The following SRPRB variants were observed in gnomAD, a reference collection of about 807,000 sequenced individuals.
SRPRB encodes signal recognition particle receptor subunit beta.
A neutral mutation model predicts 31.9 loss-of-function variants in SRPRB; 20 were observed. The ratio of observed to expected loss-of-function variants is 0.63; its 90% CI spans 0.44 to 0.91. The LOEUF (loss-of-function observed/expected upper bound fraction) is 0.91, where lower values mean the gene tolerates loss of function less well. Ranked by LOEUF, SRPRB falls within the 40% of genes least tolerant of loss-of-function variation. The pLI is 0.00. For synonymous variants in SRPRB, 146 were observed against 132.8 expected (o/e 1.10, Z -0.68); for missense variants, 321 against 324.9 (o/e 0.99, Z 0.09).
intron 1 of SRPRB, 80 bp downstream of exon 1, chr3:133,806,082 C>T: frequency 6.5e-7 from 1 of 1,538,710 alleles, no homozygotes; most frequent in South Asian, 1.3e-5. Flanking sequence ...AGGCCGGGGA[C>T]GCGGGGCTGA....
Position 133,806,603 on chromosome 3 carries a change from C to T in SRPRB, c.155-6C>T, listed in dbSNP as rs748683873. The T allele has an allele frequency of 3.1e-6, 5 of 1,613,280 alleles. No individual in the cohort carries two copies. The East Asian group carries it at 6.7e-5, about 22-fold the overall frequency. On this transcript the variant is annotated splice_polypyrimidine_tract_variant and splice_region_variant and intron_variant, in intron 1 of 6. Transcript: ENST00000678299. ...TTTTTGTTGTTTTTCTCTGTCTATT[C>T]CACAGTCTTCTGGAAGTTAATCCGG...
chr3:133,786,418 C>G (rs559884418), intron 1 of SRPRB: 1 of 152,048 alleles, frequency 6.6e-6, no homozygotes, highest in East Asian at 1.9e-4. Flanking sequence ...TGTTTGTGCA[C>G]TGGTTCAGGG....
At chr3:133,789,699 C>T (rs1484708303) in intron 1 of SRPRB, 1 of 152,116 alleles carries the variant, frequency 6.6e-6, no homozygotes, top group African/African-American at 2.4e-5. Context: ...GTATAACTTT[C>T]CTAAACAGGC....
At chr3:133,812,832 T>C (rs919078294) in intron 4 of SRPRB, among the ~76,000 whole-genome samples, 3 of 152,244 alleles carry the variant, frequency 2.0e-5, no homozygotes, top group Non-Finnish European at 4.4e-5. Flanking sequence ...CATACTTTTT[T>C]TTCCTCTTAC....
chr3:133,815,919 C>T (rs1935357572), intron 5 of SRPRB, among the ~76,000 whole-genome samples, 193 bp downstream of exon 5: 1 of 152,082 alleles, frequency 6.6e-6, no homozygotes, highest in African/African-American at 2.4e-5. Flanking sequence ...AACCAGAAGA[C>T]CAAGGAATGA....
At chr3:133,828,413 T>G, downstream of SRPRB, 1 of 359,290 alleles carries the variant, frequency 2.8e-6, no homozygotes, top group South Asian at 3.2e-5. Context: ...GTGGAAAAGG[T>G]TCTCTATAAG....
chr3:133,818,072 C>G (rs1378395491), intron 6 of SRPRB, among the ~76,000 whole-genome samples: 1 of 152,238 alleles, frequency 6.6e-6, no homozygotes, highest in Non-Finnish European at 1.5e-5. Context: ...GTTTATCACC[C>G]TGTCCTCCTG....
At chr3:133,802,555 A>G (rs1339287948), upstream of SRPRB, among the ~76,000 whole-genome samples, 1 of 152,056 alleles carries the variant, frequency 6.6e-6, no homozygotes, top group African/African-American at 2.4e-5. Context: ...TATCCCCTTG[A>G]GCTCAGACTC....
chr3:133,821,504 C>T (rs1350053522), downstream of SRPRB: 1 of 152,190 alleles, frequency 6.6e-6, no homozygotes, highest in Non-Finnish European at 1.5e-5. Flanking sequence ...GTGTCCCTCT[C>T]AGCCTCTTTT....
upstream of SRPRB, among the ~76,000 whole-genome samples, chr3:133,803,640 TAAAG>T (rs973606744): frequency 4.0e-5 from 6 of 150,830 alleles, no homozygotes; most frequent in African/African-American, 7.3e-5. Context: ...ACATTAGTAA[TAAAG>T]GAAGAGTCCC....
At chr3:133,806,856 G>A (rs906687843) in intron 2 of SRPRB, among the ~76,000 whole-genome samples, 153 bp downstream of exon 2, 2 of 151,964 alleles carry the variant, frequency 1.3e-5, no homozygotes, top group Non-Finnish European at 2.9e-5. Context: ...AAAAAGACTC[G>A]TAGAAACCCA....
At chr3:133,798,078 C>T (rs557492874) in intron 1 of SRPRB, among the ~76,000 whole-genome samples, 51 of 152,252 alleles carry the variant, frequency 3.3e-4, no homozygotes, top group African/African-American at 1.2e-3. Flanking sequence ...AACACTTAAC[C>T]TTTATGAATG....
At chr3:133,827,552 C>T (rs1185952029), downstream of SRPRB, 1 of 261,766 alleles carries the variant, frequency 3.8e-6, no homozygotes, top group Admixed American at 5.2e-5. Flanking sequence ...GGAGACCCCA[C>T]CTGAACCACA....
intron 6 of SRPRB, among the ~76,000 whole-genome samples, chr3:133,819,350 A>AGGCC (rs1559893781): frequency 2.1e-5 from 3 of 146,252 alleles, no homozygotes; most frequent in South Asian, 2.3e-4. Context: ...GTGAGGTCTG[A>AGGCC]CCCCCCCAGC....
At chr3:133,816,809 T>G in intron 5 of SRPRB, 69 bp from the exon 6 acceptor site, 1 of 1,257,502 alleles carries the variant, frequency 8.0e-7, no homozygotes, top group Non-Finnish European at 1.1e-6. Context: ...ATTTTCCTTC[T>G]GTGTAAGAAG....
chr3:133,799,262 A>G (rs967095535), intron 1 of SRPRB, among the ~76,000 whole-genome samples: 1 of 152,170 alleles, frequency 6.6e-6, no homozygotes, highest in Non-Finnish European at 1.5e-5. Flanking sequence ...GTTTATAATA[A>G]GGTGAAAAAA....
At chr3:133,794,415 G>C (rs1199951728) in intron 1 of SRPRB, 3 of 152,156 alleles carry the variant, frequency 2.0e-5, no homozygotes, top group Non-Finnish European at 4.4e-5. Flanking sequence ...GTTATTTTCA[G>C]TGCATGTTTT....
chr3:133,819,468 T>C, intron 6 of SRPRB, 85 bp from the exon 7 acceptor site: 1 of 1,281,420 alleles, frequency 7.8e-7, no homozygotes, highest in Non-Finnish European at 1.1e-6. Context: ...AAGTTTTAAA[T>C]GAGTGCTGAA....
downstream of SRPRB, chr3:133,827,752 C>A (rs1305509565): frequency 1.9e-4 from 16 of 86,152 alleles, no homozygotes; most frequent in South Asian, 6.1e-4. Context: ...CAACACCCCC[C>A]CCCCCCCCCG....
Sources: allele counts gnomAD v4.1 joint callset (sites outside exome capture counted in the v4.1 genomes callset), GRCh38; gene constraint gnomAD v4.1.1; transcripts MANE v1.5; gene names NCBI Gene and HGNC (gene_info 2026-07-23, HGNC 2026-07-21).